FRMD6: variants seen among roughly 807,000 people sequenced by gnomAD.
FRMD6 encodes the protein FERM domain-containing protein 6.
In FRMD6, 37 loss-of-function variants were observed where a neutral mutation model predicts 73.2. That is an observed-to-expected ratio of 0.51 (90% CI 0.39 to 0.66). The LOEUF (loss-of-function observed/expected upper bound fraction) is 0.66. Ranked by LOEUF, FRMD6 falls within the 30% of genes least tolerant of loss-of-function variation. FRMD6 has a pLI of 0.00. For missense variants in FRMD6, 714 were observed against 780.5 expected, an observed-to-expected ratio of 0.91 and a Z score of 1.02; for synonymous variants, 273 against 282.2, an observed-to-expected ratio of 0.97 and a Z score of 0.33.
At chr14:51,433,521 C>T in the FRMD6 span, among the ~76,000 whole-genome samples, 22 of 152,174 alleles carry the variant, frequency 1.4e-4, no homozygotes, top group Admixed American at 2.6e-4. Context: ...TACATATCTG[C>T]TCATTTGTGC....
At chr14:51,531,443 G>A (rs1885577783) in intron 1 of FRMD6, among the ~76,000 whole-genome samples, 1 of 152,088 alleles carries the variant, frequency 6.6e-6, no homozygotes, top group Non-Finnish European at 1.5e-5. Flanking sequence ...GACATATTGA[G>A]GTATTATTAT....
intron 2 of FRMD6, among the ~76,000 whole-genome samples, chr14:51,583,786 G>A (rs1230792062): frequency 1.3e-5 from 2 of 152,212 alleles, no homozygotes; most frequent in Non-Finnish European, 2.9e-5. Context: ...CAGGAAAGCT[G>A]TTAGTGGACA....
the FRMD6 span, among the ~76,000 whole-genome samples, chr14:51,400,184 C>T: frequency 1.3e-5 from 2 of 152,116 alleles, no homozygotes; most frequent in Non-Finnish European, 2.9e-5. Flanking sequence ...ACTTTAGTCA[C>T]CATGCCATGC....
At chr14:51,573,095 G>A (rs137925392) in intron 2 of FRMD6, among the ~76,000 whole-genome samples, 10 of 152,286 alleles carry the variant, frequency 6.6e-5, no homozygotes, top group Admixed American at 2.6e-4. Context: ...ATAGAAATGA[G>A]GTTGTTTTCT....
At chr14:51,679,728 A>G (rs901616291) in intron 1 of FRMD6, among the ~76,000 whole-genome samples, 7 of 152,152 alleles carry the variant, frequency 4.6e-5, no homozygotes, top group Admixed American at 1.3e-4. Flanking sequence ...GAAGATCCCC[A>G]TCACTTCTTT....
At chr14:51,588,792 T>A (rs974222531) in intron 2 of FRMD6, among the ~76,000 whole-genome samples, 6 of 152,162 alleles carry the variant, frequency 3.9e-5, no homozygotes, top group Non-Finnish European at 8.8e-5. Flanking sequence ...CACAGACTCA[T>A]GGGAAGGCCA....
chr14:51,464,249 G>C, the FRMD6 span, among the ~76,000 whole-genome samples: 1 of 152,208 alleles, frequency 6.6e-6, no homozygotes, highest in East Asian at 1.9e-4. Flanking sequence ...TGTGGGGAGA[G>C]AGAGCATCAG....
chr14:51,683,054 T>A (rs1419793446), intron 1 of FRMD6, among the ~76,000 whole-genome samples: 4 of 152,166 alleles, frequency 2.6e-5, no homozygotes, highest in Non-Finnish European at 1.5e-5. Flanking sequence ...GCACTGTCTT[T>A]CAGTACATAA....
chr14:51,648,104 C>G (rs930135418), upstream of FRMD6, among the ~76,000 whole-genome samples: 1 of 152,180 alleles, frequency 6.6e-6, no homozygotes, highest in Non-Finnish European at 1.5e-5. Context: ...GGATTACAGG[C>G]ATGAGCCACC....
intron 1 of FRMD6, among the ~76,000 whole-genome samples, chr14:51,550,760 G>A (rs1474010903): frequency 6.6e-6 from 1 of 152,142 alleles, no homozygotes; most frequent in African/African-American, 2.4e-5. Flanking sequence ...CATCATGTCT[G>A]TGAAATACAT....
chr14:51,714,415 C>G (rs535602249), intron 9 of FRMD6: 1 of 152,264 alleles, frequency 6.6e-6, no homozygotes, highest in East Asian at 1.9e-4. Context: ...TGTCTCCGTT[C>G]TTGCTTTACC....
At chr14:51,572,851 T>C (rs148855095) in intron 2 of FRMD6, among the ~76,000 whole-genome samples, 82 of 152,340 alleles carry the variant, frequency 5.4e-4, no homozygotes, top group Non-Finnish European at 9.3e-4. Flanking sequence ...CTCCTCAAAC[T>C]AGTCCTTTTG....
chr14:51,407,700 T>G, the FRMD6 span, among the ~76,000 whole-genome samples: 24 of 152,206 alleles, frequency 1.6e-4, 1 homozygote, highest in African/African-American at 5.8e-4. Context: ...TTTTCTAATT[T>G]TCATTTTGAT....
the FRMD6 span, among the ~76,000 whole-genome samples, chr14:51,402,493 T>C: frequency 6.6e-6 from 1 of 152,190 alleles, no homozygotes; most frequent in Non-Finnish European, 1.5e-5. Context: ...GCCCTCTCTT[T>C]GCCTGCTGCC....
chr14:51,635,477 T>G (rs1303667659), intron 2 of FRMD6, among the ~76,000 whole-genome samples: 1 of 152,254 alleles, frequency 6.6e-6, no homozygotes, highest in Non-Finnish European at 1.5e-5. Context: ...GCCCAAGTAC[T>G]GGCAAACACA....
At chr14:51,635,168 A>G (rs1334323006) in intron 2 of FRMD6, among the ~76,000 whole-genome samples, 1 of 152,198 alleles carries the variant, frequency 6.6e-6, no homozygotes, top group African/African-American at 2.4e-5. Flanking sequence ...AGGTCAGTTG[A>G]GGCCAGGAGT....
the FRMD6 span, among the ~76,000 whole-genome samples, chr14:51,424,154 T>A: frequency 6.6e-6 from 1 of 152,186 alleles, no homozygotes; most frequent in African/African-American, 2.4e-5. Flanking sequence ...AGAAAAAGAC[T>A]GCTGCATTTT....
In FRMD6 at chr14:51,715,461, C is replaced by G; in HGVS notation, c.986C>G (p.Pro329Arg). 1 of 1,612,744 alleles carries G rather than the reference C, an allele frequency of 6.2e-7. No individual in the cohort carries two copies. The highest frequency in any genetic ancestry group is 8.5e-7 in the Non-Finnish European group (1 of 1,179,388). Residue 329 changes from proline to arginine, a missense_variant, in exon 10 of 14, where the codon CCT becomes CGT. Pro to Arg is a moderately radical substitution (Grantham distance 103). Coordinates refer to ENST00000344768, the MANE Select transcript of FRMD6 (RefSeq NM_001267046.2). ...CACCGCCTCTATATGAATCTGCAGC[C>G]TGTCCTGCGCCATATCCGGAAGCTG... is the stretch of plus-strand genomic sequence containing the variant. ...NSHRLYMNLQ[P>R]VLRHIRKLEE...
rs540685752 is a variant in FRMD6 at position 51,604,579 on chromosome 14, TG to T, written c.-147+34174del. 3.1e-3 allele frequency among the ~76,000 whole-genome samples: 475 copies of T among 152,208 alleles called. 3 individuals carry two copies. Among genetic ancestry groups the T allele is most frequent in the African/African-American group, 0.011 (441 of 41,532 alleles). On this transcript the variant is annotated intron_variant, in intron 2 of 14. Coordinates refer to the FRMD6 transcript ENST00000356218. ...AACACTAAAAAAACTAATGATAAGT[TG>T]GGGGAATAGATGCTAAGAGCTTAAG...
Sources: allele counts gnomAD v4.1 joint callset (sites outside exome capture counted in the v4.1 genomes callset), GRCh38; gene constraint gnomAD v4.1.1; transcripts MANE v1.5; gene names NCBI Gene and HGNC (gene_info 2026-07-23, HGNC 2026-07-21).